The following FILIP1L variants were observed in gnomAD, a reference collection of about 807,000 sequenced individuals.
FILIP1L encodes the protein filamin A-interacting protein 1-like.
In FILIP1L, 55 loss-of-function variants were observed where a neutral mutation model predicts 96.6. The ratio of observed to expected loss-of-function variants is 0.57; its 90% CI spans 0.46 to 0.71. The LOEUF (loss-of-function observed/expected upper bound fraction) is 0.71, where lower values mean the gene tolerates loss of function less well. Among genes scored for constraint, FILIP1L ranks in the 30% least tolerant of loss-of-function variants. The pLI is 0.00. For missense variants in FILIP1L, 1,304 were observed against 1,321.2 expected, an observed-to-expected ratio of 0.99 and a Z score of 0.20; for synonymous variants, 467 against 473.9, an observed-to-expected ratio of 0.99 and a Z score of 0.19.
chr3:99,876,232 G>C, intron 4 of FILIP1L: 1 of 985,278 alleles, frequency 1.0e-6, no homozygotes, highest in Middle Eastern at 5.2e-4. Context: ...TGCCTTATAA[G>C]GCGCTCCGCG....
At chr3:99,934,363 G>A (rs1707589422) in intron 1 of FILIP1L, among the ~76,000 whole-genome samples, 1 of 152,210 alleles carries the variant, frequency 6.6e-6, no homozygotes. Context: ...TAGTTTAAAA[G>A]AGGAGCGAAA....
At chr3:100,037,955 T>TTTG in intron 1 of FILIP1L, among the ~76,000 whole-genome samples, 1 of 134,104 alleles carries the variant, frequency 7.5e-6, no homozygotes, top group African/African-American at 2.9e-5. Flanking sequence ...TTTTTTTTTT[T>TTTG]TGGGGGGGGA....
chr3:99,944,592 A>T (rs1018767481), intron 1 of FILIP1L, among the ~76,000 whole-genome samples: 1 of 152,256 alleles, frequency 6.6e-6, no homozygotes, highest in Non-Finnish European at 1.5e-5. Context: ...TATGGGTTAA[A>T]GTAACCGAAA....
chr3:100,107,842 G>C (rs1270559582), intron 1 of FILIP1L, among the ~76,000 whole-genome samples: 1 of 146,394 alleles, frequency 6.8e-6, no homozygotes, highest in Non-Finnish European at 1.5e-5. Context: ...TTCATTACAT[G>C]ATTTATATTT....
At chr3:99,861,602 C>T (rs144815561) in intron 4 of FILIP1L, among the ~76,000 whole-genome samples, 8 of 152,154 alleles carry the variant, frequency 5.3e-5, no homozygotes, top group Non-Finnish European at 8.8e-5. Context: ...GTCTGTTTGC[C>T]CAAGGTAGCC....
intron 4 of FILIP1L, among the ~76,000 whole-genome samples, chr3:99,871,309 C>CT (rs566494884): frequency 0.014 from 2,142 of 151,462 alleles, 29 homozygotes; most frequent in South Asian, 0.021. Flanking sequence ...TGCAGAAACA[C>CT]TTTTTTTTTG....
At chr3:99,834,302 T>C (rs1942806309) in intron 5 of FILIP1L, among the ~76,000 whole-genome samples, 1 of 152,262 alleles carries the variant, frequency 6.6e-6, no homozygotes, top group Admixed American at 6.5e-5. Flanking sequence ...AATAGTGTTC[T>C]ACTTCTATGG....
chr3:99,968,132 G>A (rs578205558), intron 1 of FILIP1L, among the ~76,000 whole-genome samples: 12 of 152,196 alleles, frequency 7.9e-5, no homozygotes, highest in Non-Finnish European at 1.6e-4. Flanking sequence ...CTAGCCTTAC[G>A]TGGCAATTTA....
At chr3:99,833,149 G>T in intron 5 of FILIP1L, 1 of 1,258,390 alleles carries the variant, frequency 7.9e-7, no homozygotes, top group Non-Finnish European at 1.1e-6. Flanking sequence ...ATTCATAGAA[G>T]AAAACGATTT....
intron 1 of FILIP1L, among the ~76,000 whole-genome samples, chr3:100,066,748 G>A (rs1313128871): frequency 1.1e-5 from 1 of 94,818 alleles, no homozygotes; most frequent in African/African-American, 3.4e-5. Flanking sequence ...AGCCGGGATG[G>A]TCTCGATCTC....
intron 1 of FILIP1L, among the ~76,000 whole-genome samples, chr3:99,983,827 G>C (rs768107284): frequency 6.6e-6 from 1 of 151,868 alleles, no homozygotes; most frequent in Non-Finnish European, 1.5e-5. Flanking sequence ...AAGCAAAGGA[G>C]AATGGACCAT....
At chr3:99,848,210 T>A in intron 5 of FILIP1L, 85 bp downstream of exon 5, 2 of 1,569,808 alleles carry the variant, frequency 1.3e-6, no homozygotes, top group East Asian at 4.5e-5. Flanking sequence ...TATGGAGGGA[T>A]GATTAAAAAA....
intron 3 of FILIP1L, among the ~76,000 whole-genome samples, chr3:99,925,466 G>A (rs1161269990): frequency 6.6e-6 from 1 of 152,140 alleles, no homozygotes; most frequent in Non-Finnish European, 1.5e-5. Flanking sequence ...CCAGTTTACA[G>A]ACTGGAAACA....
chr3:99,943,043 C>T (rs1353281228), intron 1 of FILIP1L, among the ~76,000 whole-genome samples: 1 of 152,112 alleles, frequency 6.6e-6, no homozygotes, highest in East Asian at 1.9e-4. Flanking sequence ...ATTACCACTG[C>T]TTAGAACAAC....
chr3:99,924,549 G>A (rs1259529169), intron 3 of FILIP1L, 141 bp from the exon 4 acceptor site: 12 of 827,478 alleles, frequency 1.5e-5, no homozygotes, highest in African/African-American at 1.7e-5. Flanking sequence ...AACAGTTTTC[G>A]CTGTCGTTGC....
At chr3:99,922,526 G>A (rs1203323357) in intron 4 of FILIP1L, among the ~76,000 whole-genome samples, 1 of 152,132 alleles carries the variant, frequency 6.6e-6, no homozygotes, top group Admixed American at 6.5e-5. Context: ...CCGAAAAAAT[G>A]CCTACCATAA....
chr3:99,962,442 T>C (rs1211566718), intron 1 of FILIP1L, among the ~76,000 whole-genome samples: 1 of 152,216 alleles, frequency 6.6e-6, no homozygotes, highest in African/African-American at 2.4e-5. Context: ...ATATTATCTT[T>C]TGTTGTTAGA....
chr3:99,903,297 GC>G (rs1706498527), intron 4 of FILIP1L, among the ~76,000 whole-genome samples: 1 of 151,912 alleles, frequency 6.6e-6, no homozygotes, highest in Admixed American at 6.6e-5. Context: ...TGTCACCCAG[GC>G]TGGAGTGCAG....
At chr3:100,110,442 C>CAA (rs2066471792) in intron 1 of FILIP1L, among the ~76,000 whole-genome samples, 1 of 152,084 alleles carries the variant, frequency 6.6e-6, no homozygotes, top group Non-Finnish European at 1.5e-5. Context: ...ATTTCCTAGT[C>CAA]AAGTGATTGT....
Sources: allele counts gnomAD v4.1 joint callset (sites outside exome capture counted in the v4.1 genomes callset), GRCh38; gene constraint gnomAD v4.1.1; transcripts MANE v1.5; gene names NCBI Gene and HGNC (gene_info 2026-07-23, HGNC 2026-07-21).